Variants in FAT1 observed in about 807,000 individuals in gnomAD.
FAT1 encodes FAT atypical cadherin 1.
FAT1 carries 171 observed loss-of-function variants against 329.8 expected under a neutral mutation model. The observed-to-expected ratio is 0.52, with a 90% CI of 0.46 to 0.59. The LOEUF is 0.59. Ranked by LOEUF, FAT1 falls within the 20% of genes least tolerant of loss-of-function variation. The probability of loss-of-function intolerance (pLI) is 0.00; values close to 1 mark genes in which losing one functional copy is unlikely to be tolerated. For synonymous variants in FAT1, 2,233 were observed against 2,228.6 expected, an observed-to-expected ratio of 1.00 and a Z score of -0.06; for missense variants, 5,672 against 5,774.4, an observed-to-expected ratio of 0.98 and a Z score of 0.57.
intron 2 of FAT1, among the ~76,000 whole-genome samples, chr4:186,680,499 G>A (rs1486608822): frequency 6.6e-6 from 1 of 152,152 alleles, no homozygotes; most frequent in East Asian, 1.9e-4. Flanking sequence ...CCCTCTGGAA[G>A]GGAAGAAAAA....
chr4:186,694,921 C>T (rs1743954594), intron 2 of FAT1, among the ~76,000 whole-genome samples: 1 of 152,182 alleles, frequency 6.6e-6, no homozygotes, highest in Admixed American at 6.5e-5. Context: ...AAGATCGTGC[C>T]ACTGCACTCC....
intron 26 of FAT1, among the ~76,000 whole-genome samples, chr4:186,591,149 T>C (rs780441222): frequency 1.3e-5 from 2 of 152,194 alleles, no homozygotes; most frequent in Non-Finnish European, 1.5e-5. Context: ...CTCTTTGAAA[T>C]GGGGTGAAAA....
chr4:186,597,350 G>A, intron 24 of FAT1, 179 bp from the exon 25 acceptor site: 2 of 656,382 alleles, frequency 3.0e-6, no homozygotes, highest in South Asian at 2.2e-5. Flanking sequence ...CTTCTGTGGA[G>A]AAACCAATCA....
upstream of FAT1, among the ~76,000 whole-genome samples, chr4:186,724,183 TAAAAAAAA>T (rs59026469): frequency 1.4e-5 from 1 of 71,318 alleles, no homozygotes; most frequent in Non-Finnish European, 2.5e-5. This position sits in a 1 kb window ranked among gnomAD's most constrained non-coding sequence, Gnocchi z 5.3. Flanking sequence ...TTAGCTTAGC[TAAAAAAAA>T]AAAAAAAAAA....
rs1738999559 is a variant in FAT1 at position 186,604,507 on chromosome 4, C to A, written c.10418G>T (p.Gly3473Val). The stretch of plus-strand genomic sequence containing the variant: ...TACAATAGTAAAGAAGAAGGGTGGA[C>A]CGTTATGGGAAGAATCCTCATCTGT... ...VVTDEDSSHNGPPFFFTIVTG... is the reference protein window; with the variant it reads ...VVTDEDSSHNVPPFFFTIVTG... The change falls in exon 18 of 27, where the codon GGT becomes GTT. Residue 3473 changes from glycine to valine, a missense_variant. Physicochemically the swap from Gly to Val is moderately radical, Grantham distance 109. Coordinates refer to ENST00000441802, the MANE Select transcript of FAT1 (RefSeq NM_005245.4). 6.2e-7 allele frequency: 1 copy of A among 1,613,740 alleles called. No individual in the cohort carries two copies. The highest frequency in any genetic ancestry group is 8.5e-7 in the Non-Finnish European group (1 of 1,179,702).
intron 26 of FAT1, chr4:186,592,891 TGCGTGGTCTCCTCACTGTTA>T: frequency 2.6e-6 from 1 of 385,780 alleles, no homozygotes. Flanking sequence ...CACATAATGA[TGCGTGGTCTCCTCACTGTTA>T]GCTGTGTGTC....
At position 186,598,093 on chromosome 4, in the gene FAT1, CTA is replaced by C. The variant is rs751682765; in HGVS notation, c.12134_12135del (p.Ile4045ArgfsTer5). ...TTGACGCTTATCTCACAGTGGGTCC[CTA>C]TGTACAAGGCACTGCATTTGCAGTA... ...GYYCKCSALY[I>X]GTHCEISVNP... On this transcript the variant is annotated frameshift_variant, in exon 23 of 27. Transcript: ENST00000441802. LOFTEE classifies it high-confidence loss of function. 6.2e-7 allele frequency: 1 copy of C among 1,613,550 alleles called. No homozygotes were observed. Among genetic ancestry groups the C allele is most frequent in the Admixed American group, 1.7e-5 (1 of 59,900 alleles).
intron 9 of FAT1, 73 bp downstream of exon 9, chr4:186,628,081 C>G: frequency 6.7e-7 from 1 of 1,500,646 alleles, no homozygotes; most frequent in Non-Finnish European, 9.1e-7. Flanking sequence ...ATACCCAGAA[C>G]TGATTTTGGA....
At position 186,709,734 on chromosome 4, in the gene FAT1, G is replaced by A. The variant is rs1231978552; in HGVS notation, c.94C>T (p.Leu32=). Reference sequence around the variant, plus strand: ...TTGTACTCGAGGTGTGTAAACTGCAGAGGAGTCTGTTCAAGTCGTTGGCTG... The same window carrying A: ...TTGTACTCGAGGTGTGTAAACTGCAAAGGAGTCTGTTCAAGTCGTTGGCTG... ...DGSQRLEQTP[L]QFTHLEYNVT... The change falls in exon 2 of 27, where the codon CTG becomes TTG. Residue 32 remains leucine (L), a synonymous_variant. Coordinates refer to ENST00000441802, the MANE Select transcript of FAT1 (RefSeq NM_005245.4). The A allele has an allele frequency of 1.2e-6, 2 of 1,613,764 alleles. No individual in the cohort carries two copies. The highest frequency in any genetic ancestry group is 1.7e-6 in the Non-Finnish European group (2 of 1,179,824).
chr4:186,619,140 TAC>T lies in FAT1; in HGVS notation c.7444_7445del (p.Val2482AsnfsTer16). On this transcript the variant is annotated frameshift_variant, in exon 10 of 27. Transcript: ENST00000441802. LOFTEE classifies it high-confidence loss of function. ...FRSSTQVHVT[V>X]IGGNLHSPAF... ...CAGGACTGTGCAAATTGCCTCCAAT[TAC>T]AGTTACATGAACCTGGGTGGAACTT... 6.2e-7 allele frequency: 1 copy of T among 1,613,990 alleles called. No individual in the cohort carries two copies. Among genetic ancestry groups the T allele is most frequent in the Non-Finnish European group, 8.5e-7 (1 of 1,179,898 alleles).
Position 186,620,320 on chromosome 4 carries a change from A to G in FAT1, c.6266T>C (p.Val2089Ala), listed in dbSNP as rs2126514481. ...GCCCACCTCAGTGTCCACTTTAACAACGGCGTAGTAGGGAAGGTTGACAAA... is the reference window on the plus strand; with the variant it reads ...GCCCACCTCAGTGTCCACTTTAACAGCGGCGTAGTAGGGAAGGTTGACAAA... Reference protein sequence around the residue: ...PVFVNLPYYAVVKVDTEVGHV... With the variant: ...PVFVNLPYYAAVKVDTEVGHV... Residue 2089 changes from valine (V) to alanine (A), a missense_variant, in exon 10 of 27, where the codon GTT becomes GCT. This residue lies in a region of FAT1 where 3,966 missense variants were observed against 3,915.2 expected (regional missense o/e 1.01). Coordinates refer to ENST00000441802, the MANE Select transcript of FAT1 (RefSeq NM_005245.4). 1 of 1,613,944 alleles carries G rather than the reference A, an allele frequency of 6.2e-7. No individual in the cohort carries two copies. Among genetic ancestry groups the G allele is most frequent in the Non-Finnish European group, 8.5e-7 (1 of 1,179,888 alleles).
chr4:186,675,190 G>A (rs1742895345), intron 2 of FAT1, among the ~76,000 whole-genome samples: 2 of 152,068 alleles, frequency 1.3e-5, no homozygotes, highest in African/African-American at 4.8e-5. Flanking sequence ...AAAAAAACTA[G>A]AGTGGTGGGT....
At chr4:186,683,155 G>A (rs769194070) in intron 2 of FAT1, among the ~76,000 whole-genome samples, 92 of 152,246 alleles carry the variant, frequency 6.0e-4, no homozygotes, top group Admixed American at 1.0e-3. Flanking sequence ...TTGGCTCTTC[G>A]TTCTTGTCAT....
chr4:186,661,072 G>A (rs1390507575), intron 3 of FAT1, among the ~76,000 whole-genome samples: 1 of 152,154 alleles, frequency 6.6e-6, no homozygotes, highest in East Asian at 1.9e-4. Flanking sequence ...ATTACTATAG[G>A]GGTAGTTCTG....
chr4:186,600,206 G>C lies in FAT1; in HGVS notation c.11795C>G (p.Thr3932Ser), dbSNP rs1392637890. ...YARLVLDQVHTASGTAPGTLK... is the reference protein window; with the variant it reads ...YARLVLDQVHSASGTAPGTLK... ...AGTCCCTGGGGCTGTGCCCGATGCA[G>C]TATGAACTTGGTCTAGAACCAAGCG... Residue 3932 changes from threonine (T) to serine (S), a missense_variant, in exon 22 of 27, where the codon ACT becomes AGT. Thr to Ser is a moderately conservative substitution (Grantham distance 58, BLOSUM62 1). Around this residue, in one of 2 missense-constraint regions of FAT1, gnomAD observed 1,706 missense variants for 1,859.1 expected, o/e 0.92. Transcript: ENST00000441802. 2.5e-6 allele frequency: 4 copies of C among 1,613,932 alleles called. No individual in the cohort carries two copies. The highest frequency in any genetic ancestry group is 3.4e-6 in the Non-Finnish European group (4 of 1,179,904).
Position 186,636,755 on chromosome 4 carries a change from G to A in FAT1, c.3802C>T (p.Arg1268Trp), listed in dbSNP as rs564430066. 9.3e-6 allele frequency: 15 copies of A among 1,613,838 alleles called. No individual in the cohort carries two copies. Among genetic ancestry groups the A allele is most frequent in the Admixed American group, 3.3e-5 (2 of 60,018 alleles). The part of the protein sequence containing the change: ...EKPDRERNAR[R>W]EPLYHVIATD... ...GCTATGACGTGATAGAGCGGCTCCC[G>A]TCTGGCATTTCTTTCTCGGTCTGGC... The change falls in exon 5 of 27, where the codon CGG becomes TGG. Residue 1268 changes from arginine to tryptophan, a missense_variant. Physicochemically the swap from Arg to Trp is moderately radical, Grantham distance 101. Coordinates refer to ENST00000441802, the MANE Select transcript of FAT1 (RefSeq NM_005245.4).
At chr4:186,663,873 G>T (rs898658308) in intron 2 of FAT1, among the ~76,000 whole-genome samples, 3 of 152,170 alleles carry the variant, frequency 2.0e-5, no homozygotes, top group African/African-American at 7.2e-5. Context: ...TTTGTTATTA[G>T]AATCAGGTGT....
At chr4:186,609,764 T>C in intron 15 of FAT1, 37 bp downstream of exon 15, 5 of 1,381,432 alleles carry the variant, frequency 3.6e-6, no homozygotes, top group Non-Finnish European at 5.2e-6. Context: ...ATCCAGAAGA[T>C]ACACAGTTTT....
At chr4:186,651,893 G>A (rs762816752) in intron 3 of FAT1, among the ~76,000 whole-genome samples, 26 of 152,196 alleles carry the variant, frequency 1.7e-4, no homozygotes, top group Admixed American at 5.9e-4. Flanking sequence ...AGCTGTGGCC[G>A]TCTCAGCAGC....
Sources: allele counts gnomAD v4.1 joint callset (sites outside exome capture counted in the v4.1 genomes callset), GRCh38; gene constraint gnomAD v4.1.1; regional missense constraint gnomAD v4.1.1; non-coding constraint Gnocchi (gnomAD v3.1); transcripts MANE v1.5; gene names NCBI Gene and HGNC (gene_info 2026-07-23, HGNC 2026-07-21).